The following FSCN2 variants were observed in gnomAD, a reference collection of about 807,000 sequenced individuals.
The protein encoded by FSCN2 is fascin-2.
In FSCN2, 46 loss-of-function variants were observed where a neutral mutation model predicts 37.8. The ratio of observed to expected loss-of-function variants is 1.22; its 90% CI spans 0.96 to 1.56. The LOEUF is 1.56. Ranked by LOEUF, FSCN2 falls within the 40% of genes most tolerant of loss-of-function variation. FSCN2 has a pLI of 0.00. For missense variants in FSCN2, 844 were observed against 730.4 expected, an observed-to-expected ratio of 1.16 and a Z score of -1.79; for synonymous variants, 351 against 309.4, an observed-to-expected ratio of 1.13 and a Z score of -1.41.
chr17:81,532,480 T>A (rs570899525), intron 1 of FSCN2, among the ~76,000 whole-genome samples: 1 of 123,196 alleles, frequency 8.1e-6, no homozygotes, highest in South Asian at 3.1e-4. Flanking sequence ...GTGGTGGTGA[T>A]GATAGTGATG....
the FSCN2 span, among the ~76,000 whole-genome samples, chr17:81,518,124 A>G: frequency 6.6e-6 from 1 of 152,186 alleles, no homozygotes; most frequent in Admixed American, 6.5e-5. Context: ...AGGCCCACAG[A>G]GTGGGCGCTG....
At position 81,535,166 on chromosome 17, in the gene FSCN2, C is replaced by A. The variant is rs930541410; in HGVS notation, c.941C>A (p.Thr314Asn). 1.3e-6 allele frequency: 2 copies of A among 1,533,524 alleles called. No homozygotes were observed. Among genetic ancestry groups the A allele is most frequent in the African/African-American group, 2.7e-5 (2 of 72,820 alleles). The allele number at this position is 1,533,524 out of a possible 1,614,324, so 95.0% of individuals were successfully genotyped here. A position where few individuals can be genotyped will look rare whatever the true frequency, so the allele number is the denominator to read the frequency against. ...TFYSSTGGYW[T>N]LVTHGGIHAT... ...TATTCCAGCACTGGGGGCTACTGGA[C>A]CCTGGTCACCCATGGGGGCATTCAC... Residue 314 changes from threonine to asparagine, a missense_variant, in exon 2 of 5, where the codon ACC becomes AAC. Thr to Asn is a moderately conservative substitution (Grantham distance 65, BLOSUM62 0). Transcript: ENST00000417245.
chr17:81,524,519 G>A (rs148223442), upstream of FSCN2, among the ~76,000 whole-genome samples: 6 of 152,324 alleles, frequency 3.9e-5, no homozygotes, highest in Non-Finnish European at 5.9e-5. Context: ...TTTGAATGTC[G>A]CCACAGTGCA....
At chr17:81,519,148 C>T in the FSCN2 span, 1 of 152,274 alleles carries the variant, frequency 6.6e-6, no homozygotes, top group South Asian at 2.1e-4. Context: ...GCTGCACGCC[C>T]TAACTTGGTG....
chr17:81,531,609 G>A (rs548486035), intron 1 of FSCN2, among the ~76,000 whole-genome samples: 1,889 of 136,474 alleles, frequency 0.014, 17 homozygotes, highest in Non-Finnish European at 0.021. Context: ...GATGATAATG[G>A]TGATGATGGT....
chr17:81,534,868 C>T (rs7503305), intron 1 of FSCN2, among the ~76,000 whole-genome samples, 184 bp from the exon 2 acceptor site: 12,792 of 151,628 alleles, frequency 0.084, 1,623 homozygotes, highest in African/African-American at 0.27. Context: ...GGTCCACAGA[C>T]GGCACATATG....
intron 1 of FSCN2, among the ~76,000 whole-genome samples, chr17:81,531,465 ATGGTGG>A (rs1406798739): frequency 4.2e-5 from 3 of 71,774 alleles, no homozygotes; most frequent in African/African-American, 5.9e-5. Context: ...GATGGTGATG[ATGGTGG>A]TGGTGGTGAT....
chr17:81,534,068 C>T (rs890780456), intron 1 of FSCN2, among the ~76,000 whole-genome samples: 2 of 152,226 alleles, frequency 1.3e-5, no homozygotes, highest in African/African-American at 2.4e-5. Context: ...GGCACGAATA[C>T]TCGGTCACAG....
upstream of FSCN2, among the ~76,000 whole-genome samples, chr17:81,526,619 T>C (rs1266332578): frequency 6.6e-6 from 1 of 152,206 alleles, no homozygotes; most frequent in Non-Finnish European, 1.5e-5. Flanking sequence ...CGAGACCCTA[T>C]TTCAAGAAAA....
chr17:81,520,683 A>C, the FSCN2 span, among the ~76,000 whole-genome samples: 1 of 152,220 alleles, frequency 6.6e-6, no homozygotes, highest in Non-Finnish European at 1.5e-5. Flanking sequence ...ACTGCTGCTG[A>C]TGAGAAATGA....
intron 1 of FSCN2, among the ~76,000 whole-genome samples, chr17:81,531,227 A>AATGGTGATGGTGGTGATG (rs1568076876): frequency 6.3e-5 from 3 of 47,660 alleles, no homozygotes; most frequent in Admixed American, 4.1e-4. Context: ...TGATGGTGAT[A>AATGGTGATGGTGGTGATG]ATGGTGATGG....
Position 81,536,130 on chromosome 17 carries a change from T to C in FSCN2, c.984-16T>C, listed in dbSNP as rs966872484. 2 of 1,605,218 alleles carry C rather than the reference T, an allele frequency of 1.2e-6. No homozygotes were observed. Among genetic ancestry groups the C allele is most frequent in the Non-Finnish European group, 1.7e-6 (2 of 1,176,580 alleles). ...TCTCCTGCTGTCCTGAGGAGACCTTTTGCTGCTCCCTCCAGTTCTGCCAAC... is the reference window on the plus strand; with the variant it reads ...TCTCCTGCTGTCCTGAGGAGACCTTCTGCTGCTCCCTCCAGTTCTGCCAAC... On this transcript the variant is annotated splice_polypyrimidine_tract_variant and intron_variant, in intron 2 of 4. Transcript: ENST00000417245.
chr17:81,531,318 A>ATGGTGATGATGGTGG (rs781882828), intron 1 of FSCN2, among the ~76,000 whole-genome samples: 15 of 39,948 alleles, frequency 3.8e-4, no homozygotes, highest in African/African-American at 1.5e-3. Flanking sequence ...GGTGGTGGTG[A>ATGGTGATGATGGTGG]TGATGGTGGT....
Position 81,529,199 on chromosome 17 carries a change from A to T in FSCN2, c.668A>T (p.Asp223Val), listed in dbSNP as rs2032464688. 1 of 1,596,752 alleles carries T rather than the reference A, an allele frequency of 6.3e-7. No individual in the cohort carries two copies. Among genetic ancestry groups the T allele is most frequent in the Non-Finnish European group, 8.5e-7 (1 of 1,172,706 alleles). Reference protein sequence around the residue: ...EFKAGKLAFKDCDGHYLAPVG... With the variant: ...EFKAGKLAFKVCDGHYLAPVG... ...AAGGCGGGCAAGCTGGCCTTCAAGGACTGCGACGGCCACTACCTGGCACCC... is the reference window on the plus strand; with the variant it reads ...AAGGCGGGCAAGCTGGCCTTCAAGGTCTGCGACGGCCACTACCTGGCACCC... Residue 223 changes from aspartate (D) to valine (V), a missense_variant, in exon 1 of 5, where the codon GAC becomes GTC. By Grantham distance (152) the Asp-to-Val change is radical. Coordinates refer to ENST00000417245, the MANE Select transcript of FSCN2 (RefSeq NM_012418.4).
At chr17:81,516,974 G>A in the FSCN2 span, among the ~76,000 whole-genome samples, 8 of 152,306 alleles carry the variant, frequency 5.3e-5, no homozygotes, top group African/African-American at 1.9e-4. Context: ...GTCCCAGACT[G>A]TGGAGTTTTC....
Position 81,528,421 on chromosome 17 carries a change from TCTGGGGG to T in FSCN2, c.-107_-101del. ...CAGGGGGTTCGTGACGCCGGCTGGG[TCTGGGGG>T]CTGTGGGCCAGCCGAGCCGACCCGG... On this transcript the variant is annotated 5_prime_UTR_variant, in exon 1 of 5. Coordinates refer to ENST00000417245, the MANE Select transcript of FSCN2 (RefSeq NM_012418.4). The T allele has an allele frequency of 1.3e-6, 1 of 779,220 alleles. No homozygotes were observed. The highest frequency in any genetic ancestry group is 2.1e-6 in the Non-Finnish European group (1 of 482,502). 48.3% of individuals were successfully genotyped at this position (779,220 alleles called of 1,614,324 possible). A position where few individuals can be genotyped will look rare whatever the true frequency, so the allele number is the denominator to read the frequency against.
chr17:81,536,727 C>G lies in FSCN2; in HGVS notation c.1211C>G (p.Thr404Ser). The change falls in exon 4 of 5, where the codon ACC (threonine) becomes AGC (serine). Residue 404 changes from threonine to serine, a missense_variant. Thr to Ser is a moderately conservative substitution (Grantham distance 58). Transcript: ENST00000417245. ...CACCGCGGCTCCAACCAGCTGGACA[C>G]CAACCGCTCCGTCTACGACGTCTTC... The part of the protein sequence containing the change: ...CHHRGSNQLD[T>S]NRSVYDVFHL... 6.2e-7 allele frequency: 1 copy of G among 1,611,242 alleles called. No individual in the cohort carries two copies. Among genetic ancestry groups the G allele is most frequent in the Non-Finnish European group, 8.5e-7 (1 of 1,179,388 alleles).
chr17:81,517,602 G>C, the FSCN2 span, among the ~76,000 whole-genome samples: 1 of 152,168 alleles, frequency 6.6e-6, no homozygotes, highest in Non-Finnish European at 1.5e-5. Context: ...CTGTTCCCAA[G>C]GGCATAGCCC....
chr17:81,536,544 T>G, intron 3 of FSCN2, 78 bp from the exon 4 acceptor site: 1 of 1,577,872 alleles, frequency 6.3e-7, no homozygotes, highest in Non-Finnish European at 8.6e-7. Context: ...GTGTGGCGTT[T>G]CCCAGGGCCC....
Sources: allele counts gnomAD v4.1 joint callset (sites outside exome capture counted in the v4.1 genomes callset), GRCh38; gene constraint gnomAD v4.1.1; transcripts MANE v1.5; gene names NCBI Gene and HGNC (gene_info 2026-07-23, HGNC 2026-07-21).